Variants in OR6C3 observed in about 807,000 individuals in gnomAD.
OR6C3 encodes the protein olfactory receptor family 6 subfamily C member 3.
For synonymous variants in OR6C3, 177 were observed against 137.4 expected, an observed-to-expected ratio of 1.29 and a Z score of -2.02; for missense variants, 487 against 364.6, an observed-to-expected ratio of 1.34 and a Z score of -2.73.
Position 55,331,983 on chromosome 12 carries a change from G to A in OR6C3, c.283G>A (p.Ala95Thr). The change falls in exon 2 of 2, where the codon GCA becomes ACA. Residue 95 changes from alanine to threonine, a missense_variant. Physicochemically the swap from Ala to Thr is moderately conservative, Grantham distance 58. Transcript: ENST00000641740. ...RNKTISYNNCAAQLFFFIFMG... is the reference protein window; with the variant it reads ...RNKTISYNNCTAQLFFFIFMG... ...TAAGACTATTTCCTATAACAACTGT[G>A]CAGCCCAACTCTTTTTCTTTATCTT... 6.2e-7 allele frequency: 1 copy of A among 1,614,108 alleles called. No individual in the cohort carries two copies. Among genetic ancestry groups the A allele is most frequent in the Non-Finnish European group, 8.5e-7 (1 of 1,180,014 alleles).
chr12:55,332,111 CTG>C lies in OR6C3; in HGVS notation c.412_413del (p.Cys138HisfsTer34). On this transcript the variant is annotated frameshift_variant, in exon 2 of 2. Coordinates refer to ENST00000641740, the MANE Select transcript of OR6C3 (RefSeq NM_001388498.1). LOFTEE classifies it low-confidence loss of function (END_TRUNC). Reference protein sequence around the residue: ...HYTSIMNRKLCTLLVLCAWLS... With the variant: ...HYTSIMNRKLXTLLVLCAWLS... ...ACACATCCATCATGAACAGGAAACT[CTG>C]CACTCTACTTGTGCTGTGTGCCTGG... is the stretch of plus-strand genomic sequence containing the variant. The C allele has an allele frequency of 6.2e-7, 1 of 1,614,188 alleles. No individual in the cohort carries two copies. Among genetic ancestry groups the C allele is most frequent in the Non-Finnish European group, 8.5e-7 (1 of 1,180,038 alleles).
At position 55,332,191 on chromosome 12, in the gene OR6C3, A is replaced by T; in HGVS notation, c.491A>T (p.Asp164Val). The T allele has an allele frequency of 1.2e-6, 2 of 1,613,958 alleles. No homozygotes were observed. Among genetic ancestry groups the T allele is most frequent in the Non-Finnish European group, 1.7e-6 (2 of 1,180,010 alleles). Residue 164 changes from aspartate (D) to valine (V), a missense_variant, in exon 2 of 2, where the codon GAT (aspartate) becomes GTT (valine). Physicochemically the swap from Asp to Val is radical, Grantham distance 152 (BLOSUM62 -3). Transcript: ENST00000641740. ...FPPLMLLLQL[D>V]YCASNVIDHF... ...CCCCTTATGCTTCTCCTCCAGCTGGATTACTGTGCTTCCAACGTCATTGAT... is the reference window on the plus strand; with the variant it reads ...CCCCTTATGCTTCTCCTCCAGCTGGTTTACTGTGCTTCCAACGTCATTGAT...
chr12:55,330,451 T>C (rs980430680), upstream of OR6C3: 19 of 152,102 alleles, frequency 1.2e-4, no homozygotes, highest in African/African-American at 4.1e-4. Flanking sequence ...TGAACTTTGG[T>C]AGTGTCCAGA....
intron 1 of OR6C3, among the ~76,000 whole-genome samples, chr12:55,331,056 T>C (rs1185865960): frequency 6.6e-6 from 1 of 151,710 alleles, no homozygotes; most frequent in East Asian, 1.9e-4. Flanking sequence ...ATAGTAAATA[T>C]ACATCATATA....
Position 55,331,676 on chromosome 12 carries a change from G to A in OR6C3, c.-25G>A. 1 of 1,480,250 alleles carries A rather than the reference G, an allele frequency of 6.8e-7. No homozygotes were observed. Among genetic ancestry groups the A allele is most frequent in the Non-Finnish European group, 9.3e-7 (1 of 1,080,182 alleles). The allele number at this position is 1,480,250 out of a possible 1,614,324, so 91.7% of individuals were successfully genotyped here. A position where few individuals can be genotyped will look rare whatever the true frequency, so the allele number is the denominator to read the frequency against. ...TAAAAGAACAAAAAGGAGAGTGGAA[G>A]AAGGAGAGAGAGAAAGGACGAGACA... On this transcript the variant is annotated 5_prime_UTR_variant, in exon 2 of 2. Coordinates refer to ENST00000641740, the MANE Select transcript of OR6C3 (RefSeq NM_001388498.1).
At position 55,332,535 on chromosome 12, in the gene OR6C3, G is replaced by T. The variant is rs768053466; in HGVS notation, c.835G>T (p.Ala279Ser). ...KGIAILNTSV[A>S]PMLNPFIYTL... is the part of the protein sequence containing the mutation. ...AATAGCTATTCTCAATACATCTGTT[G>T]CCCCCATGCTGAACCCCTTCATTTA... The change falls in exon 2 of 2, where the codon GCC (alanine) becomes TCC (serine). Residue 279 changes from alanine (A) to serine (S), a missense_variant. Physicochemically the swap from Ala to Ser is moderately conservative, Grantham distance 99. Coordinates refer to ENST00000641740, the MANE Select transcript of OR6C3 (RefSeq NM_001388498.1). The T allele has an allele frequency of 1.2e-6, 2 of 1,613,430 alleles. No individual in the cohort carries two copies. The highest frequency in any genetic ancestry group is 1.7e-6 in the Non-Finnish European group (2 of 1,179,940).
intron 1 of OR6C3, 125 bp from the exon 2 acceptor site, chr12:55,331,532 A>T: frequency 3.8e-6 from 2 of 529,974 alleles, no homozygotes; most frequent in Non-Finnish European, 6.6e-6. Flanking sequence ...AATGCAAACA[A>T]GATAGTCAAA....
At chr12:55,330,669 T>C (rs768743854), upstream of OR6C3, 11 of 152,136 alleles carry the variant, frequency 7.2e-5, no homozygotes, top group Non-Finnish European at 1.5e-4. Flanking sequence ...GAATGAATGG[T>C]TGCATAAGGA....
chr12:55,331,946 T>C lies in OR6C3; in HGVS notation c.246T>C (p.Ile82=). 6.2e-7 allele frequency: 1 copy of C among 1,614,158 alleles called. No individual in the cohort carries two copies. The highest frequency in any genetic ancestry group is 8.5e-7 in the Non-Finnish European group (1 of 1,180,012). The stretch of plus-strand genomic sequence containing the variant: ...GCATCCCCAGATTTCTGGGGGCAAT[T>C]ATCACCAGGAATAAGACTATTTCCT... ...TVCIPRFLGA[I]ITRNKTISYN... Residue 82 remains isoleucine, a synonymous_variant, in exon 2 of 2, where the codon ATT becomes ATC. Transcript: ENST00000641740.
At position 55,331,851 on chromosome 12, in the gene OR6C3, C is replaced by T. The variant is rs1227813417; in HGVS notation, c.151C>T (p.His51Tyr). The T allele has an allele frequency of 1.2e-6, 2 of 1,614,094 alleles. No homozygotes were observed. The highest frequency in any genetic ancestry group is 1.7e-6 in the Non-Finnish European group (2 of 1,179,982). ...TIITLTFVDS[H>Y]LQTPMYFFLR... is the part of the protein sequence containing the mutation. ...CATCACCCTAACCTTTGTGGACTCC[C>T]ATCTGCAGACACCTATGTATTTCTT... Residue 51 changes from histidine to tyrosine, a missense_variant, in exon 2 of 2, where the codon CAT (histidine) becomes TAT (tyrosine). Physicochemically the swap from His to Tyr is moderately conservative, Grantham distance 83. Coordinates refer to ENST00000641740, the MANE Select transcript of OR6C3 (RefSeq NM_001388498.1).
In OR6C3 at chr12:55,331,610, T is replaced by G. The variant is rs1029783877; in HGVS notation, c.-44-47T>G. The G allele has an allele frequency of 1.6e-5, 12 of 766,812 alleles. No homozygotes were observed. The East Asian group carries it at 1.6e-4, about 10-fold the overall frequency. The allele number at this position is 766,812 out of a possible 1,614,324, so 47.5% of individuals were successfully genotyped here. The stretch of plus-strand genomic sequence containing the variant: ...ATATGGATCATGATGAATTATATCT[T>G]TTATCTATTTTCCTTAATTATCATT... On this transcript the variant is annotated intron_variant, in intron 1 of 1. Transcript: ENST00000641740.
chr12:55,331,561 A>T lies in OR6C3; in HGVS notation c.-44-96A>T, dbSNP rs1400480129. On this transcript the variant is annotated intron_variant, in intron 1 of 1. Transcript: ENST00000641740. ...AGTCAAAACTGTCAGACTGTAGAAG[A>T]TTTTTAGAATTGTATTGATAATTAT... 4 of 583,532 alleles carry T rather than the reference A, an allele frequency of 6.9e-6. No individual in the cohort carries two copies. In the East Asian group the frequency reaches 8.5e-5, roughly 12 times the overall value. The allele number at this position is 583,532 out of a possible 1,614,324, so 36.1% of individuals were successfully genotyped here. A position where few individuals can be genotyped will look rare whatever the true frequency, so the allele number is the denominator to read the frequency against.
Position 55,331,968 on chromosome 12 carries a change from T to G in OR6C3, c.268T>G (p.Ser90Ala), listed in dbSNP as rs1172423355. 1 of 1,614,148 alleles carries G rather than the reference T, an allele frequency of 6.2e-7. No individual in the cohort carries two copies. The highest frequency in any genetic ancestry group is 1.1e-5 in the South Asian group (1 of 91,078). ...AATTATCACCAGGAATAAGACTATTTCCTATAACAACTGTGCAGCCCAACT... is the reference window on the plus strand; with the variant it reads ...AATTATCACCAGGAATAAGACTATTGCCTATAACAACTGTGCAGCCCAACT... The part of the protein sequence containing the change: ...GAIITRNKTI[S>A]YNNCAAQLFF... Residue 90 changes from serine (S) to alanine (A), a missense_variant, in exon 2 of 2, where the codon TCC (serine) becomes GCC (alanine). Transcript: ENST00000641740.
Position 55,332,411 on chromosome 12 carries a change from T to G in OR6C3, c.711T>G (p.Thr237=). Residue 237 remains threonine (T), a synonymous_variant, in exon 2 of 2, where the codon ACT becomes ACG. Transcript: ENST00000641740. ...GTCAAAGAAAAAAGGCTTTCTCCAC[T>G]TGTTCTTCTCACATGATTGTCATTT... ...SASQRKKAFS[T]CSSHMIVISI... 5 of 1,614,022 alleles carry G rather than the reference T, an allele frequency of 3.1e-6. No individual in the cohort carries two copies. The highest frequency in any genetic ancestry group is 4.2e-6 in the Non-Finnish European group (5 of 1,179,912).
chr12:55,332,266 C>G lies in OR6C3; in HGVS notation c.566C>G (p.Thr189Arg). 1 of 1,614,130 alleles carries G rather than the reference C, an allele frequency of 6.2e-7. No individual in the cohort carries two copies. Among genetic ancestry groups the G allele is most frequent in the Non-Finnish European group, 8.5e-7 (1 of 1,180,014 alleles). Residue 189 changes from threonine (T) to arginine (R), a missense_variant, in exon 2 of 2, where the codon ACA becomes AGA. Thr to Arg is a moderately conservative substitution (Grantham distance 71, BLOSUM62 -1). Coordinates refer to ENST00000641740, the MANE Select transcript of OR6C3 (RefSeq NM_001388498.1). The stretch of plus-strand genomic sequence containing the variant: ...CTCTTACAACTATCTTGTTCAGATA[C>G]ATGGCTCCTAGAAGTAATTGGTTTT... ...FPLLQLSCSD[T>R]WLLEVIGFYF...
Position 55,331,989 on chromosome 12 carries a change from C to T in OR6C3, c.289C>T (p.Gln97Ter), listed in dbSNP as rs977199503. The T allele has an allele frequency of 1.2e-6, 2 of 1,614,108 alleles. No homozygotes were observed. The highest frequency in any genetic ancestry group is 1.7e-6 in the Non-Finnish European group (2 of 1,180,034). ...KTISYNNCAA[Q>*]LFFFIFMGVT... ...TATTTCCTATAACAACTGTGCAGCC[C>T]AACTCTTTTTCTTTATCTTCATGGG... Residue 97 changes from glutamine to a stop codon, truncating the protein, a stop_gained, in exon 2 of 2, where the codon CAA becomes TAA. Coordinates refer to ENST00000641740, the MANE Select transcript of OR6C3 (RefSeq NM_001388498.1). LOFTEE classifies it low-confidence loss of function (END_TRUNC).
Position 55,332,546 on chromosome 12 carries a change from G to T in OR6C3, c.846G>T (p.Leu282=), listed in dbSNP as rs1364663127. The T allele has an allele frequency of 1.2e-6, 2 of 1,613,386 alleles. No homozygotes were observed. The highest frequency in any genetic ancestry group is 3.3e-5 in the Admixed American group (2 of 60,000). The change falls in exon 2 of 2, where the codon CTG becomes CTT. Residue 282 remains leucine, a synonymous_variant. Coordinates refer to ENST00000641740, the MANE Select transcript of OR6C3 (RefSeq NM_001388498.1). ...AILNTSVAPM[L]NPFIYTLRNQ... ...TCAATACATCTGTTGCCCCCATGCT[G>T]AACCCCTTCATTTACACTCTGAGAA...
chr12:55,331,385 C>T (rs1311814525), intron 1 of OR6C3, among the ~76,000 whole-genome samples: 1 of 151,936 alleles, frequency 6.6e-6, no homozygotes, highest in African/African-American at 2.4e-5. Context: ...ATTAATGGGA[C>T]ACAAAGCAGG....
rs186634062 is a variant in OR6C3, at chr12:55,332,599, A to T, written c.899A>T (p.Asn300Ile). 6.2e-7 allele frequency: 1 copy of T among 1,605,090 alleles called. No homozygotes were observed. Among genetic ancestry groups the T allele is most frequent in the Admixed American group, 1.7e-5 (1 of 59,408 alleles). ...CAGCAAGTAAAACAAGCCTTCAAAA[A>T]TGTGGTCCACAAAGTTGTGTTTTAT... Reference protein sequence around the residue: ...RNQQVKQAFKNVVHKVVFYAN... With the variant: ...RNQQVKQAFKIVVHKVVFYAN... The change falls in exon 2 of 2, where the codon AAT (asparagine) becomes ATT (isoleucine). Residue 300 changes from asparagine to isoleucine, a missense_variant. Coordinates refer to ENST00000641740, the MANE Select transcript of OR6C3 (RefSeq NM_001388498.1).
Sources: gnomAD v4.1 joint callset for allele counts (sites outside exome capture counted in the v4.1 genomes callset) on GRCh38, gnomAD v4.1.1 for gene constraint, MANE v1.5 for transcripts, NCBI Gene and HGNC (gene_info 2026-07-23, HGNC 2026-07-21) for gene names.